The following SMC1B variants were observed in gnomAD, a reference collection of about 807,000 sequenced individuals.
SMC1B encodes structural maintenance of chromosomes protein 1B.
Under a neutral mutation model 157.9 loss-of-function variants are expected in SMC1B, and 60 were observed. The observed-to-expected ratio is 0.38, with a 90% CI of 0.31 to 0.47. The LOEUF is 0.47. Among genes scored for constraint, SMC1B ranks in the 20% least tolerant of loss-of-function variants. SMC1B has a pLI of 0.99. For missense variants in SMC1B, 1,165 were observed against 1,426.2 expected, an observed-to-expected ratio of 0.82 and a Z score of 2.95; for synonymous variants, 445 against 483.0, an observed-to-expected ratio of 0.92 and a Z score of 1.03.
At position 45,406,899 on chromosome 22, in the gene SMC1B, T is replaced by C; in HGVS notation, c.299-34A>G. 7 of 1,439,924 alleles carry C rather than the reference T, an allele frequency of 4.9e-6. No homozygotes were observed. The Middle Eastern group carries it at 7.7e-4, about 158-fold the overall frequency. The allele number at this position is 1,439,924 out of a possible 1,614,324, so 89.2% of individuals were successfully genotyped here. ...AAAAAATAAACCCTGTTAAAAAATATATAAATACCAGATATACCTCAAAAT... is the reference window on the plus strand; with the variant it reads ...AAAAAATAAACCCTGTTAAAAAATACATAAATACCAGATATACCTCAAAAT... On this transcript the variant is annotated intron_variant, in intron 2 of 24. Transcript: ENST00000357450.
At position 45,352,743 on chromosome 22, in the gene SMC1B, T is replaced by C. The variant is rs1420281781; in HGVS notation, c.3274-141A>G. 2.2e-5 allele frequency: 18 copies of C among 813,944 alleles called. No homozygotes were observed. The Admixed American group carries it at 5.2e-4, about 24-fold the overall frequency. The allele number at this position is 813,944 out of a possible 1,614,324, so 50.4% of individuals were successfully genotyped here. On this transcript the variant is annotated intron_variant, in intron 21 of 24. Transcript: ENST00000357450. ...TACCAATGCCTATAAATAATGTATTTAGTTCTACATGTAATCACAGACAAC... is the reference window on the plus strand; with the variant it reads ...TACCAATGCCTATAAATAATGTATTCAGTTCTACATGTAATCACAGACAAC...
intron 12 of SMC1B, among the ~76,000 whole-genome samples, chr22:45,374,990 A>C (rs1353874271): frequency 1.3e-5 from 2 of 152,156 alleles, no homozygotes; most frequent in Non-Finnish European, 2.9e-5. Flanking sequence ...TTTCTCCAAA[A>C]TATTTTTAAA....
At chr22:45,371,757 A>G (rs574774576) in intron 13 of SMC1B, among the ~76,000 whole-genome samples, 170 bp from the exon 14 acceptor site, 1 of 152,322 alleles carries the variant, frequency 6.6e-6, no homozygotes, top group South Asian at 2.1e-4. Flanking sequence ...CTATAATATA[A>G]TCTCAATCAT....
intron 8 of SMC1B, among the ~76,000 whole-genome samples, chr22:45,394,287 T>G (rs1375905148): frequency 6.6e-6 from 1 of 152,080 alleles, no homozygotes; most frequent in Non-Finnish European, 1.5e-5. Context: ...ATCACGCAAC[T>G]GCACTCCAGT....
rs757823186 is a variant in SMC1B at position 45,402,383 on chromosome 22, C to T, written c.804G>A (p.Lys268=). 2.5e-6 allele frequency: 4 copies of T among 1,613,702 alleles called. No individual in the cohort carries two copies. Among genetic ancestry groups the T allele is most frequent in the Non-Finnish European group, 3.4e-6 (4 of 1,179,878 alleles). The stretch of plus-strand genomic sequence containing the variant: ...GTTGTCTAGTTAGCATTCCATGTTC[C>T]TTTTTCCTGGCTTTAACTATGTTTT... ...HHENIVKARK[K]EHGMLTRQLQ... The change falls in exon 5 of 25, where the codon AAG becomes AAA. Residue 268 remains lysine, a synonymous_variant. Transcript: ENST00000357450.
chr22:45,367,098 G>A (rs1308364151), intron 15 of SMC1B, among the ~76,000 whole-genome samples: 3 of 152,242 alleles, frequency 2.0e-5, no homozygotes, highest in African/African-American at 7.2e-5. Flanking sequence ...TTGCCTACTA[G>A]TCTCACTAGG....
At chr22:45,351,574 A>G (rs1391719601) in intron 22 of SMC1B, among the ~76,000 whole-genome samples, 1 of 152,120 alleles carries the variant, frequency 6.6e-6, no homozygotes, top group African/African-American at 2.4e-5. Context: ...TTTGAGACAG[A>G]GTTTTGTTCT....
chr22:45,380,960 C>CTT (rs530026478), intron 12 of SMC1B, among the ~76,000 whole-genome samples: 36 of 136,960 alleles, frequency 2.6e-4, no homozygotes, highest in African/African-American at 5.4e-4. Flanking sequence ...AAAAGAAGTA[C>CTT]TTTTTTTTTT....
Position 45,372,285 on chromosome 22 carries a change from A to C in SMC1B, c.2066T>G (p.Met689Arg). 1 of 1,588,382 alleles carries C rather than the reference A, an allele frequency of 6.3e-7. No individual in the cohort carries two copies. Among genetic ancestry groups the C allele is most frequent in the Non-Finnish European group, 8.5e-7 (1 of 1,172,108 alleles). ...SQKIQELKGL[M>R]KTLRKETDLK... is the part of the protein sequence containing the mutation. ...ATCTGTTTCTTTGCGGAGTGTCTTC[A>C]TTAAACCCTAAAAGGAAAGAAAAAC... Residue 689 changes from methionine (M) to arginine (R), a missense_variant, in exon 13 of 25, where the codon ATG becomes AGG. Met to Arg is a moderately conservative substitution (Grantham distance 91). Transcript: ENST00000357450.
At chr22:45,408,059 GATAAAC>G (rs760474122) in intron 2 of SMC1B, among the ~76,000 whole-genome samples, 20 of 152,272 alleles carry the variant, frequency 1.3e-4, no homozygotes, top group South Asian at 2.1e-4. Context: ...AAGAAAAACT[GATAAAC>G]ATAAAGAACC....
In SMC1B at chr22:45,368,517, GT is replaced by G. The variant is rs964475686; in HGVS notation, c.2420+1436del. Among the ~76,000 whole-genome samples, 307 of 138,570 alleles carry G rather than the reference GT, an allele frequency of 2.2e-3. 1 individual carries two copies. The highest frequency in any genetic ancestry group is 3.3e-3 in the African/African-American group (127 of 38,002). The allele number at this position is 138,570 out of a possible 152,430, so 90.9% of individuals were successfully genotyped here. On this transcript the variant is annotated intron_variant, in intron 15 of 24. Transcript: ENST00000357450. ...TTTTCCTCTTCTACATTCTGAAATA[GT>G]TTTTTTTTTTTTTTTCTGAGACCGA...
At chr22:45,357,955 C>T (rs1454333378) in intron 19 of SMC1B, among the ~76,000 whole-genome samples, 1 of 152,134 alleles carries the variant, frequency 6.6e-6, no homozygotes, top group Non-Finnish European at 1.5e-5. Flanking sequence ...GAACCTTCAG[C>T]CCCTCTTCTC....
intron 16 of SMC1B, 133 bp from the exon 17 acceptor site, chr22:45,362,117 A>G: frequency 1.3e-6 from 1 of 790,078 alleles, no homozygotes; most frequent in Non-Finnish European, 1.9e-6. Flanking sequence ...CTGACCTTCC[A>G]TCGTGGACTG....
intron 19 of SMC1B, 116 bp downstream of exon 19, chr22:45,358,581 C>A: frequency 1.6e-6 from 1 of 629,894 alleles, no homozygotes. Flanking sequence ...CTTCCAAAAC[C>A]ATTAGGAAAT....
chr22:45,407,878 T>A (rs1425771279), intron 2 of SMC1B, among the ~76,000 whole-genome samples: 3 of 152,146 alleles, frequency 2.0e-5, no homozygotes, highest in Non-Finnish European at 4.4e-5. Context: ...CTCTTTTCTA[T>A]CCACACCTTT....
chr22:45,393,725 T>G lies in SMC1B; in HGVS notation c.1454A>C (p.Gln485Pro). ...CTCATGGGTATCAATCCCAGCATTC[T>G]GCAATTCACTTCTAATAAGATTCAA... is the stretch of plus-strand genomic sequence containing the variant. ...EELNLIRSEL[Q>P]NAGIDTHEGK... The change falls in exon 9 of 25, where the codon CAG becomes CCG. Residue 485 changes from glutamine to proline, a missense_variant. Transcript: ENST00000357450. 6.2e-7 allele frequency: 1 copy of G among 1,614,122 alleles called. No individual in the cohort carries two copies. Among genetic ancestry groups the G allele is most frequent in the Non-Finnish European group, 8.5e-7 (1 of 1,179,972 alleles).
chr22:45,400,258 T>C (rs942738667), intron 5 of SMC1B, among the ~76,000 whole-genome samples: 2 of 152,084 alleles, frequency 1.3e-5, no homozygotes, highest in African/African-American at 4.8e-5. Flanking sequence ...GGCAGGCTCA[T>C]ACAAGCTGGG....
intron 1 of SMC1B, among the ~76,000 whole-genome samples, chr22:45,409,696 T>C (rs538077272): frequency 1.2e-4 from 18 of 152,316 alleles, no homozygotes; most frequent in South Asian, 1.0e-3. Flanking sequence ...AGAAAATTTA[T>C]ATAGCAGGCT....
intron 12 of SMC1B, among the ~76,000 whole-genome samples, chr22:45,376,435 T>C (rs1254884067): frequency 1.4e-4 from 21 of 152,212 alleles, no homozygotes; most frequent in East Asian, 1.9e-4. Context: ...CATTCATCTG[T>C]TGATTGACAC....
Sources: allele counts gnomAD v4.1 joint callset (sites outside exome capture counted in the v4.1 genomes callset), GRCh38; gene constraint gnomAD v4.1.1; transcripts MANE v1.5; gene names NCBI Gene and HGNC (gene_info 2026-07-23, HGNC 2026-07-21).